The following CSRP1 variants were observed in gnomAD, a reference collection of about 807,000 sequenced individuals.
CSRP1 encodes the protein cysteine and glycine rich protein 1.
In CSRP1, 16 loss-of-function variants were observed where a neutral mutation model predicts 25.4. The observed-to-expected ratio is 0.63, with a 90% confidence interval of 0.43 to 0.96. CSRP1 has a LOEUF of 0.96. Among genes scored for constraint, CSRP1 ranks in the 40% least tolerant of loss-of-function variants. The probability of loss-of-function intolerance (pLI) is 0.00; values close to 1 mark genes in which losing one functional copy is unlikely to be tolerated. For missense variants in CSRP1, 212 were observed against 243.6 expected, an observed-to-expected ratio of 0.87 and a Z score of 0.86; for synonymous variants, 97 against 95.3, an observed-to-expected ratio of 1.02 and a Z score of -0.10.
rs1033189281 is a variant in CSRP1 at position 201,489,269 on chromosome 1, C to T, written c.282-285G>A. The T allele has an allele frequency of 1.1e-5, 3 of 271,162 alleles. No homozygotes were observed. In the Admixed American group the frequency reaches 1.4e-4, roughly 13 times the overall value. The allele number at this position is 271,162 out of a possible 1,614,324, so 16.8% of individuals were successfully genotyped here. ...TTTGCTAAGAATTGCCCTCCTCTGC[C>T]CCTCATTCCTGCAGCTGGTCTATTA... On this transcript the variant is annotated intron_variant, in intron 3 of 5. Transcript: ENST00000340006.
At chr1:201,484,935 C>A (rs1664085968) in intron 5 of CSRP1, 146 bp from the exon 6 acceptor site, 4 of 693,700 alleles carry the variant, frequency 5.8e-6, no homozygotes, top group Non-Finnish European at 1.0e-5. Context: ...ACCTCCACAG[C>A]ACCCCAATCT....
intron 1 of CSRP1, among the ~76,000 whole-genome samples, chr1:201,498,185 T>C (rs1664566312): frequency 6.6e-6 from 1 of 152,106 alleles, no homozygotes; most frequent in Admixed American, 6.5e-5. Context: ...GTAACACTAG[T>C]GAGTGTGGAG....
At chr1:201,500,198 C>T (rs904733649) in intron 1 of CSRP1, among the ~76,000 whole-genome samples, 1 of 152,238 alleles carries the variant, frequency 6.6e-6, no homozygotes, top group Non-Finnish European at 1.5e-5. Context: ...TTTCCAACCC[C>T]CTGAACCAGC....
At chr1:201,506,258 G>C (rs1287616672) in intron 1 of CSRP1, among the ~76,000 whole-genome samples, 1 of 152,136 alleles carries the variant, frequency 6.6e-6, no homozygotes, top group Non-Finnish European at 1.5e-5. Flanking sequence ...CACTCTCAGG[G>C]AGCAGCTGGT....
intron 1 of CSRP1, among the ~76,000 whole-genome samples, chr1:201,501,214 C>T (rs368476730): frequency 1.6e-4 from 24 of 152,290 alleles, no homozygotes; most frequent in African/African-American, 5.5e-4. Flanking sequence ...AGTCATACGT[C>T]GACTCCACAC....
chr1:201,493,601 A>G (rs1174750931), intron 2 of CSRP1, among the ~76,000 whole-genome samples: 1 of 152,180 alleles, frequency 6.6e-6, no homozygotes, highest in Non-Finnish European at 1.5e-5. Flanking sequence ...AGTCTCAGGT[A>G]TGTCTTTATT....
At chr1:201,499,469 A>T (rs1053824496) in intron 1 of CSRP1, among the ~76,000 whole-genome samples, 1 of 152,084 alleles carries the variant, frequency 6.6e-6, no homozygotes, top group African/African-American at 2.4e-5. Context: ...AGCTCTTGTG[A>T]ATAATGTATC....
intron 1 of CSRP1, among the ~76,000 whole-genome samples, chr1:201,497,925 G>A (rs1312584474): frequency 2.6e-5 from 4 of 151,882 alleles, no homozygotes; most frequent in Admixed American, 6.6e-5. Flanking sequence ...CAGGAGAATC[G>A]CTTGAACCTG....
chr1:201,501,575 T>G (rs1313586344), intron 1 of CSRP1, among the ~76,000 whole-genome samples: 1 of 152,106 alleles, frequency 6.6e-6, no homozygotes, highest in African/African-American at 2.4e-5. Flanking sequence ...TGTACCCAGA[T>G]CCCCAGTTAG....
chr1:201,501,520 T>C (rs1170640894), intron 1 of CSRP1, among the ~76,000 whole-genome samples: 1 of 152,228 alleles, frequency 6.6e-6, no homozygotes, highest in Non-Finnish European at 1.5e-5. Context: ...AGAAGCCTGC[T>C]GTGTCTGCTG....
chr1:201,501,468 G>A (rs1664667602), intron 1 of CSRP1, among the ~76,000 whole-genome samples: 2 of 152,152 alleles, frequency 1.3e-5, no homozygotes, highest in Non-Finnish European at 2.9e-5. Context: ...CTGAATGGCT[G>A]GAAACACCTG....
intron 5 of CSRP1, among the ~76,000 whole-genome samples, 196 bp from the exon 6 acceptor site, chr1:201,484,985 T>C (rs1025817125): frequency 6.6e-6 from 1 of 152,024 alleles, no homozygotes; most frequent in Admixed American, 6.6e-5. Flanking sequence ...TTGTACCCTG[T>C]ACCCATTGCC....
At chr1:201,503,118 C>G (rs527559782) in intron 1 of CSRP1, among the ~76,000 whole-genome samples, 1 of 152,292 alleles carries the variant, frequency 6.6e-6, no homozygotes, top group Non-Finnish European at 1.5e-5. Context: ...GCACTCCAGC[C>G]TGGGGGACAA....
intron 1 of CSRP1, among the ~76,000 whole-genome samples, chr1:201,501,493 T>C (rs1664668078): frequency 6.6e-6 from 1 of 152,216 alleles, no homozygotes; most frequent in Non-Finnish European, 1.5e-5. Flanking sequence ...GCTGTTTTCC[T>C]GAAACGGCTG....
At chr1:201,494,339 C>T (rs57534479) in intron 2 of CSRP1, among the ~76,000 whole-genome samples, 3,909 of 152,264 alleles carry the variant, frequency 0.026, 172 homozygotes, top group African/African-American at 0.089. Context: ...GCCCTTAGGA[C>T]CCCAGCAGCC....
intron 1 of CSRP1, among the ~76,000 whole-genome samples, chr1:201,506,413 C>T (rs1460716303): frequency 6.6e-6 from 1 of 152,212 alleles, no homozygotes; most frequent in Non-Finnish European, 1.5e-5. Context: ...ACAATACCTG[C>T]CTCAGAGGGC....
At chr1:201,495,806 G>A (rs10753903) in intron 2 of CSRP1, 79,896 of 165,526 alleles carry the variant, frequency 0.48, 22,328 homozygotes, top group East Asian at 0.82. Context: ...CCATGAGGTT[G>A]TGGCCTCTGT....
chr1:201,485,641 G>A, intron 4 of CSRP1: 1 of 473,166 alleles, frequency 2.1e-6, no homozygotes, highest in Non-Finnish European at 3.9e-6. Flanking sequence ...CAAAAGGCAG[G>A]TGAGGGGGTG....
chr1:201,498,936 C>A (rs886486592), intron 1 of CSRP1, among the ~76,000 whole-genome samples: 3 of 152,172 alleles, frequency 2.0e-5, no homozygotes, highest in African/African-American at 7.2e-5. Flanking sequence ...CCAGTTCTCC[C>A]TTTCCCAGGT....
Sources: gnomAD v4.1 joint callset for allele counts (sites outside exome capture counted in the v4.1 genomes callset) on GRCh38, gnomAD v4.1.1 for gene constraint, MANE v1.5 for transcripts, NCBI Gene and HGNC (gene_info 2026-07-23, HGNC 2026-07-21) for gene names.